The following TLK1 variants were observed in gnomAD, a reference collection of about 807,000 sequenced individuals.
TLK1 encodes tousled like kinase 1, also known as serine/threonine-protein kinase tousled-like 1.
Under a neutral mutation model 105.3 loss-of-function variants are expected in TLK1, and 24 were observed. The observed-to-expected ratio is 0.23, with a 90% CI of 0.17 to 0.32. The LOEUF is 0.32. TLK1 is among the 10% of genes least tolerant of loss of function. The pLI, the probability that TLK1 is intolerant of heterozygous loss-of-function variation, is 1.00. For synonymous variants in TLK1, 321 were observed against 310.4 expected (o/e 1.03, Z -0.36); for missense variants, 558 against 910.5 (o/e 0.61, Z 4.98).
chr2:170,992,073 G>A lies in TLK1; in HGVS notation c.*1707C>T, dbSNP rs1683809643. ...TACACTTGTCTTGAAGTATACTTAA[G>A]GAATTTATTCAGCTGATTTTTAAGT... On this transcript the variant is annotated 3_prime_UTR_variant, in exon 21 of 21. Coordinates refer to ENST00000431350, the MANE Select transcript of TLK1 (RefSeq NM_012290.5). 1 of 152,044 alleles carries A rather than the reference G, an allele frequency of 6.6e-6. No homozygotes were observed. The highest frequency in any genetic ancestry group is 6.6e-5 in the Admixed American group (1 of 15,262). 9.4% of individuals were successfully genotyped at this position (152,044 alleles called of 1,614,324 possible).
intron 1 of TLK1, among the ~76,000 whole-genome samples, chr2:171,166,357 G>T (rs1692609928): frequency 6.6e-6 from 1 of 152,220 alleles, no homozygotes; most frequent in Admixed American, 6.5e-5. Context: ...TACACAGCTG[G>T]TTAATAAGCA....
chr2:171,025,958 T>G (rs1034672146), intron 12 of TLK1, among the ~76,000 whole-genome samples: 1 of 152,176 alleles, frequency 6.6e-6, no homozygotes, highest in Non-Finnish European at 1.5e-5. Flanking sequence ...TCACCCAAAA[T>G]AGTCTCTCAG....
At chr2:171,127,362 T>C (rs1575613868) in intron 1 of TLK1, among the ~76,000 whole-genome samples, 1 of 151,936 alleles carries the variant, frequency 6.6e-6, no homozygotes, top group South Asian at 2.1e-4. Flanking sequence ...TCTTGAAACA[T>C]CCATTTTAAC....
intron 12 of TLK1, among the ~76,000 whole-genome samples, chr2:171,017,793 G>GA (rs1447236654): frequency 2.6e-5 from 4 of 152,020 alleles, no homozygotes; most frequent in Non-Finnish European, 5.9e-5. Flanking sequence ...TAGCACTAGA[G>GA]AAAAAAAGAT....
In TLK1 at chr2:171,014,886, A is replaced by G. The variant is rs1685099541; in HGVS notation, c.1299T>C (p.Arg433=). Reference sequence around the variant, plus strand: ...CTTCATTGTTTATTCTTTTCAGCTCACGTATGTGAAGATTTCTGACTCTTT... The same window carrying G: ...CTTCATTGTTTATTCTTTTCAGCTCGCGTATGTGAAGATTTCTGACTCTTT... ...RLERVRNLHI[R]ELKRINNEDN... Residue 433 remains arginine (R), a synonymous_variant, in exon 13 of 21, where the codon CGT becomes CGC. Transcript: ENST00000431350. 4.3e-6 allele frequency: 7 copies of G among 1,613,696 alleles called. No individual in the cohort carries two copies. The highest frequency in any genetic ancestry group is 1.3e-5 in the African/African-American group (1 of 74,904).
chr2:171,148,890 A>AAAG (rs1445171800), intron 1 of TLK1, among the ~76,000 whole-genome samples: 1 of 138,470 alleles, frequency 7.2e-6, no homozygotes, highest in African/African-American at 2.7e-5. Context: ...AAAAAAAAAA[A>AAAG]ATATATATAT....
At chr2:171,225,296 A>G (rs931676101) in intron 1 of TLK1, among the ~76,000 whole-genome samples, 9 of 152,214 alleles carry the variant, frequency 5.9e-5, no homozygotes, top group Admixed American at 4.6e-4. Flanking sequence ...AATGTAAAGA[A>G]AACCCAATTT....
At chr2:171,034,161 T>C (rs1355933701) in intron 11 of TLK1, among the ~76,000 whole-genome samples, 1 of 152,176 alleles carries the variant, frequency 6.6e-6, no homozygotes, top group African/African-American at 2.4e-5. Flanking sequence ...ATAATTGTCA[T>C]GCTGATGGGA....
intron 1 of TLK1, among the ~76,000 whole-genome samples, chr2:171,122,265 T>C (rs966612601): frequency 2.0e-5 from 3 of 152,098 alleles, no homozygotes; most frequent in Non-Finnish European, 4.4e-5. Context: ...CACCCGGCCC[T>C]AATAAGATAT....
At chr2:171,183,609 C>T (rs1301856684) in intron 1 of TLK1, among the ~76,000 whole-genome samples, 1 of 152,042 alleles carries the variant, frequency 6.6e-6, no homozygotes, top group African/African-American at 2.4e-5. Context: ...TAGTCTGGTG[C>T]TTGCCTGTTA....
At chr2:170,999,943 T>C (rs1033522767) in intron 18 of TLK1, among the ~76,000 whole-genome samples, 1 of 152,056 alleles carries the variant, frequency 6.6e-6, no homozygotes, top group African/African-American at 2.4e-5. Context: ...AAAAAATTTA[T>C]ACAGACAGGG....
intron 18 of TLK1, among the ~76,000 whole-genome samples, chr2:170,999,211 T>C (rs1465044876): frequency 6.6e-6 from 1 of 152,072 alleles, no homozygotes; most frequent in Non-Finnish European, 1.5e-5. Flanking sequence ...TGCTGCTCAA[T>C]GGGAATTTAC....
chr2:171,018,837 C>T lies in TLK1; in HGVS notation c.1237-3889G>A, dbSNP rs182765486. On this transcript the variant is annotated intron_variant, in intron 12 of 20. Transcript: ENST00000431350. ...CCAGAAATGAACTGGTCTCTGTAGG[C>T]TATTACAATGAAGAAGAGACATAAG... is the stretch of plus-strand genomic sequence containing the variant. 3.2e-3 allele frequency among the ~76,000 whole-genome samples: 492 copies of T among 152,112 alleles called. 1 individual carries two copies. The highest frequency in any genetic ancestry group is 0.011 in the African/African-American group (468 of 41,496).
Position 170,995,834 on chromosome 2 carries a change from C to T in TLK1, c.2124+819G>A, listed in dbSNP as rs557070404. On this transcript the variant is annotated intron_variant, in intron 20 of 20. Transcript: ENST00000431350. ...CCTCCCAGCTCAGCATCCTGAGAAG[C>T]TGAAACTAAAGGCACGGGCCCCTAC... 1.8e-4 allele frequency among the ~76,000 whole-genome samples: 27 copies of T among 152,248 alleles called. 2 individuals carry two copies. Among genetic ancestry groups the T allele is most frequent in the Admixed American group, 1.6e-3 (25 of 15,298 alleles).
intron 8 of TLK1, among the ~76,000 whole-genome samples, chr2:171,052,359 T>C (rs192797845): frequency 6.6e-6 from 1 of 152,320 alleles, no homozygotes; most frequent in African/African-American, 2.4e-5. Flanking sequence ...TGGCTATGTC[T>C]TTCCTAAACA....
chr2:171,191,175 T>G (rs1383655957), intron 1 of TLK1, among the ~76,000 whole-genome samples: 2 of 151,394 alleles, frequency 1.3e-5, no homozygotes, highest in Non-Finnish European at 2.9e-5. Flanking sequence ...AAAAAAAAAT[T>G]TATGTTCTTC....
intron 2 of TLK1, among the ~76,000 whole-genome samples, chr2:171,089,316 T>C (rs1332018380): frequency 6.6e-6 from 1 of 152,248 alleles, no homozygotes; most frequent in East Asian, 1.9e-4. Context: ...TCTTGGCTAC[T>C]GCCTTTTGGA....
intron 11 of TLK1, among the ~76,000 whole-genome samples, chr2:171,043,679 T>C (rs1030824723): frequency 3.3e-5 from 5 of 152,142 alleles, no homozygotes; most frequent in Non-Finnish European, 7.3e-5. Context: ...TGAGTGGACA[T>C]ATCTGGTATC....
At chr2:171,200,937 A>G (rs2105319917) in intron 1 of TLK1, among the ~76,000 whole-genome samples, 1 of 144,316 alleles carries the variant, frequency 6.9e-6, no homozygotes, top group Admixed American at 7.2e-5. Context: ...GCTGGAGTGC[A>G]GTGGCGCAAT....
Sources: gnomAD v4.1 joint callset for allele counts (sites outside exome capture counted in the v4.1 genomes callset) on GRCh38, gnomAD v4.1.1 for gene constraint, MANE v1.5 for transcripts, NCBI Gene and HGNC (gene_info 2026-07-23, HGNC 2026-07-21) for gene names.